The following KTN1 variants were observed in gnomAD, a reference collection of about 807,000 sequenced individuals.
KTN1 encodes kinectin 1.
Under a neutral mutation model 222.5 loss-of-function variants are expected in KTN1, and 130 were observed. The observed-to-expected ratio is 0.58, with a 90% CI of 0.51 to 0.68. The LOEUF is 0.68. KTN1 is among the 30% of genes least tolerant of loss of function. The probability of loss-of-function intolerance (pLI) is 0.00; values close to 1 mark genes in which losing one functional copy is unlikely to be tolerated. For synonymous variants in KTN1, 512 were observed against 496.3 expected (o/e 1.03, Z -0.42); for missense variants, 1,508 against 1,500.4 (o/e 1.01, Z -0.08).
chr14:55,679,286 A>G (rs2046161828), intron 42 of KTN1: 1 of 296,402 alleles, frequency 3.4e-6, no homozygotes, highest in Non-Finnish European at 6.1e-6. Context: ...GAAAGAAAAA[A>G]TGGATATATT....
chr14:55,677,642 G>T (rs895884651), intron 41 of KTN1, among the ~76,000 whole-genome samples: 1 of 152,020 alleles, frequency 6.6e-6, no homozygotes, highest in Non-Finnish European at 1.5e-5. Context: ...TAGGGTTTGT[G>T]GGTCACATAT....
chr14:55,617,080 A>G (rs1261291167), intron 3 of KTN1, among the ~76,000 whole-genome samples: 1 of 152,218 alleles, frequency 6.6e-6, no homozygotes, highest in Non-Finnish European at 1.5e-5. Flanking sequence ...TATGGCAAGC[A>G]TCAGATTATA....
rs2274074 is a variant in KTN1 at position 55,629,944 on chromosome 14, G to T, written c.1081-13G>T. ...AAATAACAAGTTTTTAAATTTCTGG[G>T]ATATTCTTTTAGGAAATGATGACAG... On this transcript the variant is annotated splice_polypyrimidine_tract_variant and intron_variant, in intron 6 of 43. Transcript: ENST00000395314. 20 of 1,544,938 alleles carry T rather than the reference G, an allele frequency of 1.3e-5. No individual in the cohort carries two copies. In the East Asian group the frequency reaches 4.5e-4, roughly 35 times the overall value.
chr14:55,599,697 G>C (rs539841110), intron 1 of KTN1, among the ~76,000 whole-genome samples: 2 of 152,038 alleles, frequency 1.3e-5, no homozygotes, highest in East Asian at 1.9e-4. Context: ...GGTGGTTCTC[G>C]GAACTCCTGA....
intron 1 of KTN1, among the ~76,000 whole-genome samples, chr14:55,583,797 C>G (rs1403023434): frequency 6.6e-6 from 1 of 152,206 alleles, no homozygotes; most frequent in Non-Finnish European, 1.5e-5. Flanking sequence ...CAGTAGTCAA[C>G]TCCAACTAAA....
intron 33 of KTN1, among the ~76,000 whole-genome samples, chr14:55,665,964 C>T (rs1416179829): frequency 4.0e-5 from 6 of 151,746 alleles, no homozygotes; most frequent in Non-Finnish European, 8.9e-5. Flanking sequence ...TCCTCAGTGT[C>T]TCTTTTCCTA....
At chr14:55,636,803 T>C (rs570365820) in intron 10 of KTN1, among the ~76,000 whole-genome samples, 5 of 152,200 alleles carry the variant, frequency 3.3e-5, no homozygotes, top group African/African-American at 1.2e-4. Flanking sequence ...GTGTTTCTTT[T>C]CTGTAGTTAT....
chr14:55,628,054 A>T, intron 6 of KTN1, 26 bp downstream of exon 6: 1 of 1,324,062 alleles, frequency 7.6e-7, no homozygotes, highest in Non-Finnish European at 1.1e-6. Flanking sequence ...TGTACGAGGG[A>T]TATACTTCCC....
intron 1 of KTN1, among the ~76,000 whole-genome samples, chr14:55,600,074 A>G (rs2035738867): frequency 6.6e-6 from 1 of 150,776 alleles, no homozygotes. Flanking sequence ...GTTCTAATTT[A>G]CATTTCATGT....
intron 34 of KTN1, chr14:55,667,788 C>A (rs2044984419): frequency 6.6e-6 from 1 of 152,142 alleles, no homozygotes; most frequent in Admixed American, 6.6e-5. Flanking sequence ...TAATATAGAA[C>A]AACTTGGTTT....
intron 1 of KTN1, among the ~76,000 whole-genome samples, chr14:55,604,145 C>T (rs1256119504): frequency 6.6e-6 from 1 of 152,198 alleles, no homozygotes; most frequent in African/African-American, 2.4e-5. Context: ...TTGTTAACCA[C>T]ATCCCCTCTC....
At chr14:55,674,264 G>T (rs765764132) in intron 40 of KTN1, 1 of 152,020 alleles carries the variant, frequency 6.6e-6, no homozygotes, top group East Asian at 1.9e-4. Context: ...TTTGGGGGGG[G>T]ATTTTGGATT....
chr14:55,601,526 G>A (rs186790660), intron 1 of KTN1, among the ~76,000 whole-genome samples: 264 of 152,242 alleles, frequency 1.7e-3, no homozygotes, highest in African/African-American at 5.8e-3. Context: ...AGGACAATAG[G>A]AATTTAGATG....
chr14:55,615,622 A>T (rs2038238090), intron 2 of KTN1, among the ~76,000 whole-genome samples: 1 of 152,232 alleles, frequency 6.6e-6, no homozygotes, highest in South Asian at 2.1e-4. Context: ...CATTTGGGAC[A>T]CTGGGGGATC....
chr14:55,597,293 C>T (rs761891403), intron 1 of KTN1, among the ~76,000 whole-genome samples: 10 of 152,168 alleles, frequency 6.6e-5, no homozygotes, highest in Non-Finnish European at 2.9e-5. Context: ...GGAATGTTTT[C>T]TTAAGCCATA....
At chr14:55,616,490 T>G in intron 2 of KTN1, 27 bp from the exon 3 acceptor site, 1 of 1,551,222 alleles carries the variant, frequency 6.4e-7, no homozygotes, top group Non-Finnish European at 8.7e-7. Context: ...TTGCCACAAT[T>G]ATTTTTTTTG....
intron 21 of KTN1, among the ~76,000 whole-genome samples, chr14:55,649,337 TAATAG>T (rs1221436616): frequency 1.4e-5 from 2 of 147,480 alleles, no homozygotes; most frequent in African/African-American, 2.5e-5. Flanking sequence ...TGATAATCAG[TAATAG>T]AGGCTGCAAT....
intron 1 of KTN1, among the ~76,000 whole-genome samples, chr14:55,581,338 G>A (rs951150228): frequency 6.6e-6 from 1 of 152,226 alleles, no homozygotes; most frequent in Non-Finnish European, 1.5e-5. Context: ...TTTCCTGTGG[G>A]AGGAAGGAGG....
chr14:55,617,691 T>C (rs1237274287), intron 3 of KTN1, among the ~76,000 whole-genome samples: 1 of 152,208 alleles, frequency 6.6e-6, no homozygotes, highest in Non-Finnish European at 1.5e-5. Context: ...GACTTAAGGA[T>C]GCATAAAAAG....
Sources: allele counts gnomAD v4.1 joint callset (sites outside exome capture counted in the v4.1 genomes callset), GRCh38; gene constraint gnomAD v4.1.1; transcripts MANE v1.5; gene names NCBI Gene and HGNC (gene_info 2026-07-23, HGNC 2026-07-21).